The following PTPRG variants were observed in gnomAD, a reference collection of about 807,000 sequenced individuals.
PTPRG encodes protein tyrosine phosphatase receptor type G.
PTPRG carries 102 observed loss-of-function variants against 165.3 expected under a neutral mutation model. That is an observed-to-expected ratio of 0.62 (90% confidence interval 0.53 to 0.73). The LOEUF (loss-of-function observed/expected upper bound fraction) is 0.73. Ranked by LOEUF, PTPRG falls within the 30% of genes least tolerant of loss-of-function variation. The probability of loss-of-function intolerance (pLI) is 0.00; values close to 1 mark genes in which losing one functional copy is unlikely to be tolerated. For synonymous variants in PTPRG, 675 were observed against 669.5 expected (o/e 1.01, Z -0.13); for missense variants, 1,866 against 1,861.4 (o/e 1.00, Z -0.05).
intron 2 of PTPRG, among the ~76,000 whole-genome samples, chr3:61,919,078 C>A (rs1027613065): frequency 4.6e-5 from 7 of 152,158 alleles, no homozygotes; most frequent in Non-Finnish European, 8.8e-5. Flanking sequence ...TCCCAAAAGT[C>A]GGGGCATTGA....
At chr3:61,968,385 G>C (rs560041718) in intron 2 of PTPRG, among the ~76,000 whole-genome samples, 25 of 152,128 alleles carry the variant, frequency 1.6e-4, no homozygotes, top group Middle Eastern at 3.4e-3. Flanking sequence ...CCTTTTTGAC[G>C]CTAAGAATAT....
intron 8 of PTPRG, among the ~76,000 whole-genome samples, chr3:62,168,430 G>A (rs1195677350): frequency 6.6e-6 from 1 of 152,196 alleles, no homozygotes; most frequent in Non-Finnish European, 1.5e-5. Flanking sequence ...TACTAGCAGT[G>A]TCTAGAGAAA....
At chr3:61,913,048 A>G (rs1391444879) in intron 2 of PTPRG, among the ~76,000 whole-genome samples, 1 of 152,180 alleles carries the variant, frequency 6.6e-6, no homozygotes, top group Non-Finnish European at 1.5e-5. Context: ...TATCAGAGCA[A>G]GGGACACCTT....
At chr3:62,006,415 C>T (rs1320934444) in intron 4 of PTPRG, among the ~76,000 whole-genome samples, 1 of 152,180 alleles carries the variant, frequency 6.6e-6, no homozygotes, top group Non-Finnish European at 1.5e-5. Context: ...ACCCATCTCT[C>T]CCTACGATTT....
intron 3 of PTPRG, among the ~76,000 whole-genome samples, chr3:61,998,238 C>G (rs1472851230): frequency 1.3e-5 from 2 of 152,218 alleles, no homozygotes; most frequent in East Asian, 1.9e-4. Flanking sequence ...GTGACCTGAC[C>G]CACGCTTTGC....
chr3:61,891,753 C>A (rs1450731292), intron 2 of PTPRG, among the ~76,000 whole-genome samples: 2 of 152,180 alleles, frequency 1.3e-5, no homozygotes, highest in African/African-American at 4.8e-5. Flanking sequence ...AAAGTACTTC[C>A]TGAAATATTT....
intron 1 of PTPRG, among the ~76,000 whole-genome samples, chr3:61,571,316 T>G (rs1391975392): frequency 6.6e-6 from 1 of 152,194 alleles, no homozygotes; most frequent in South Asian, 2.1e-4. Context: ...GCTCAGGATT[T>G]TTTTTAAATT....
intron 17 of PTPRG, chr3:62,264,108 T>TGG (rs1701785951): frequency 6.6e-6 from 1 of 150,808 alleles, no homozygotes; most frequent in African/African-American, 2.5e-5. Flanking sequence ...ATCACGCCAC[T>TGG]GTACTCCATC....
At chr3:62,171,181 G>A (rs1441433421) in intron 8 of PTPRG, among the ~76,000 whole-genome samples, 1 of 152,138 alleles carries the variant, frequency 6.6e-6, no homozygotes, top group Non-Finnish European at 1.5e-5. Context: ...ACATGCATAT[G>A]TAGATTATTT....
In PTPRG at chr3:62,101,538, T is replaced by C. The variant is rs375104341; in HGVS notation, c.615+23280T>C. On this transcript the variant is annotated intron_variant, in intron 5 of 29. Transcript: ENST00000474889. ...ATAAACACTTCACTGTCTTACCCTT[T>C]ACTACTACACAAGTATCTGAAATGT... 6.7e-4 allele frequency among the ~76,000 whole-genome samples: 102 copies of C among 152,376 alleles called. 3 individuals are homozygous for C. The South Asian group carries it at 0.02, about 30-fold the overall frequency.
Position 61,604,754 on chromosome 3 carries a change from T to C in PTPRG, c.85+42382T>C, listed in dbSNP as rs557493942. 4.0e-5 allele frequency among the ~76,000 whole-genome samples: 5 copies of C among 126,494 alleles called. No homozygotes were observed. The South Asian group carries it at 6.9e-4, about 18-fold the overall frequency. 83.0% of individuals were successfully genotyped at this position (126,494 alleles called of 152,430 possible). On this transcript the variant is annotated intron_variant, in intron 1 of 29. Coordinates refer to ENST00000474889, the MANE Select transcript of PTPRG (RefSeq NM_002841.4). ...CTTGCCATGAGTTTTTTTTTCCCCC[T>C]AGAACCCTATTAGCTGTGCCACGGC...
In PTPRG at chr3:61,818,261, A is replaced by AG. The variant is rs549680484; in HGVS notation, c.190+69279_190+69280insG. ...AACACTATATACCTGATATTTTAAAATAAGACTAAAATATGAGAATGTGAT... is the reference window on the plus strand; with the variant it reads ...AACACTATATACCTGATATTTTAAAAGTAAGACTAAAATATGAGAATGTGAT... On this transcript the variant is annotated intron_variant, in intron 2 of 29. Transcript: ENST00000474889. Among the ~76,000 whole-genome samples the AG allele has an allele frequency of 1.6e-3, 247 of 152,348 alleles. 2 individuals carry two copies. The highest frequency in any genetic ancestry group is 7.0e-3 in the South Asian group (34 of 4,824).
intron 16 of PTPRG, chr3:62,262,081 C>T (rs1487339445): frequency 6.6e-6 from 1 of 152,176 alleles, no homozygotes; most frequent in Non-Finnish European, 1.5e-5. Context: ...GGCTTTTCAG[C>T]AACGTTGTAT....
At position 61,933,256 on chromosome 3, in the gene PTPRG, A is replaced by G. The variant is rs944006268; in HGVS notation, c.191-56369A>G. The stretch of plus-strand genomic sequence containing the variant: ...CCTAAAAACCTGGTGGTGAATCAAA[A>G]TGATGCTGAGATACGATTTTGTCCC... On this transcript the variant is annotated intron_variant, in intron 2 of 29. Transcript: ENST00000474889. Among the ~76,000 whole-genome samples the G allele has an allele frequency of 9.8e-5, 15 of 152,348 alleles. No individual in the cohort carries two copies. In the East Asian group the frequency reaches 1.2e-3, roughly 12 times the overall value.
chr3:61,834,625 C>G (rs1193780705), intron 2 of PTPRG, among the ~76,000 whole-genome samples: 1 of 152,118 alleles, frequency 6.6e-6, no homozygotes, highest in Non-Finnish European at 1.5e-5. Context: ...CCATCCTGGC[C>G]AACATGGTGA....
chr3:61,860,342 C>T (rs867457670), intron 2 of PTPRG, among the ~76,000 whole-genome samples: 13 of 144,782 alleles, frequency 9.0e-5, no homozygotes, highest in African/African-American at 2.9e-4. Context: ...CTTCCCAGCC[C>T]GTGAAAGCCA....
chr3:62,192,125 C>T (rs1030536872), intron 9 of PTPRG, among the ~76,000 whole-genome samples: 3 of 152,166 alleles, frequency 2.0e-5, no homozygotes, highest in East Asian at 3.9e-4. Flanking sequence ...CCACTGTCCA[C>T]AGTCGCTGCC....
At chr3:62,216,801 A>G (rs191572611) in intron 12 of PTPRG, among the ~76,000 whole-genome samples, 14 of 152,224 alleles carry the variant, frequency 9.2e-5, no homozygotes, top group Admixed American at 2.6e-4. Context: ...CTGCCTTCCA[A>G]TTCCCCATCT....
intron 1 of PTPRG, among the ~76,000 whole-genome samples, chr3:61,659,985 G>A (rs1702614216): frequency 6.6e-6 from 1 of 152,150 alleles, no homozygotes; most frequent in Admixed American, 6.6e-5. Flanking sequence ...TCAGCACTTT[G>A]GGAGGCCAGG....
Sources: allele counts gnomAD v4.1 joint callset (sites outside exome capture counted in the v4.1 genomes callset), GRCh38; gene constraint gnomAD v4.1.1; transcripts MANE v1.5; gene names NCBI Gene and HGNC (gene_info 2026-07-23, HGNC 2026-07-21).